The following TRAF3 variants were observed in gnomAD, a reference collection of about 807,000 sequenced individuals.
TRAF3 encodes the protein TNF receptor-associated factor 3.
In TRAF3, 13 loss-of-function variants were observed where a neutral mutation model predicts 62.3. The observed-to-expected ratio is 0.21, with a 90% CI of 0.14 to 0.33. The LOEUF is 0.33. Ranked by LOEUF, TRAF3 falls within the 10% of genes least tolerant of loss-of-function variation. The pLI is 1.00. For synonymous variants in TRAF3, 269 were observed against 283.4 expected (o/e 0.95, Z 0.51); for missense variants, 440 against 741.8 (o/e 0.59, Z 4.73).
At chr14:102,792,110 G>A (rs1295765573) in intron 1 of TRAF3, among the ~76,000 whole-genome samples, 1 of 131,384 alleles carries the variant, frequency 7.6e-6, no homozygotes, top group African/African-American at 2.9e-5. Context: ...CACTGTGCCT[G>A]GACTTTTTTT....
chr14:102,792,138 T>A (rs987903646), intron 1 of TRAF3, among the ~76,000 whole-genome samples: 6 of 145,302 alleles, frequency 4.1e-5, no homozygotes, highest in Admixed American at 6.9e-5. Context: ...TTTTTTTTTT[T>A]TTATCAGACC....
At chr14:102,882,809 G>A (rs1396903851) in intron 6 of TRAF3, among the ~76,000 whole-genome samples, 2 of 152,188 alleles carry the variant, frequency 1.3e-5, no homozygotes, top group Non-Finnish European at 2.9e-5. Context: ...CGTTTAAACT[G>A]TGGTGTAGAC....
At chr14:102,795,594 A>ATGTGTGTGTGTGTG (rs1249954107) in intron 1 of TRAF3, among the ~76,000 whole-genome samples, 11 of 126,594 alleles carry the variant, frequency 8.7e-5, no homozygotes, top group Admixed American at 8.7e-4. Flanking sequence ...CATGATATGT[A>ATGTGTGTGTGTGTG]TATATGTGTG....
At chr14:102,798,732 C>G (rs764382027) in intron 1 of TRAF3, among the ~76,000 whole-genome samples, 1 of 152,204 alleles carries the variant, frequency 6.6e-6, no homozygotes, top group Non-Finnish European at 1.5e-5. Flanking sequence ...GATTCGGCCT[C>G]CCAAATGGCC....
Position 102,902,823 on chromosome 14 carries a change from C to T in TRAF3, c.961-432C>T, listed in dbSNP as rs929420845. On this transcript the variant is annotated intron_variant, in intron 10 of 11. Coordinates refer to ENST00000392745, the MANE Select transcript of TRAF3 (RefSeq NM_145725.3). ...AGGGTGTGGGTGTGTGAGAAACAGG[C>T]GGGCAGGCGGCACCAGTGCCACTGT... 4.9e-4 allele frequency among the ~76,000 whole-genome samples: 75 copies of T among 152,118 alleles called. 1 individual carries two copies. The highest frequency in any genetic ancestry group is 1.6e-3 in the African/African-American group (67 of 41,422).
intron 2 of TRAF3, among the ~76,000 whole-genome samples, chr14:102,846,120 C>T (rs113551044): frequency 1.5e-4 from 22 of 151,340 alleles, no homozygotes; most frequent in African/African-American, 5.1e-4. Flanking sequence ...GTGCACATTA[C>T]AGCTGCTTTG....
rs1897271458 is a variant in TRAF3, at chr14:102,781,513, C to T, written c.-157+3838C>T. On this transcript the variant is annotated intron_variant, in intron 1 of 11. Coordinates refer to ENST00000392745, the MANE Select transcript of TRAF3 (RefSeq NM_145725.3). ...AAGGGGTGTAAATGTTAAACAGCCCCTTCCTAGCCTGGCATGCGCACCTGT... is the reference window on the plus strand; with the variant it reads ...AAGGGGTGTAAATGTTAAACAGCCCTTTCCTAGCCTGGCATGCGCACCTGT... Among the ~76,000 whole-genome samples the T allele has an allele frequency of 2.0e-5, 3 of 152,158 alleles. No individual in the cohort carries two copies. The South Asian group carries it at 6.2e-4, about 32-fold the overall frequency.
intron 9 of TRAF3, chr14:102,895,297 A>G (rs1889945288): frequency 3.4e-6 from 1 of 298,378 alleles, no homozygotes; most frequent in Non-Finnish European, 6.6e-6. Context: ...TATTTTGCCC[A>G]TGAGACATTG....
At chr14:102,894,054 C>T (rs1218245096) in intron 9 of TRAF3, among the ~76,000 whole-genome samples, 10 of 152,080 alleles carry the variant, frequency 6.6e-5, no homozygotes, top group South Asian at 2.1e-4. Flanking sequence ...CAGCTGGGCG[C>T]GGTGGCTCAT....
intron 10 of TRAF3, among the ~76,000 whole-genome samples, chr14:102,900,205 A>AAAAAC (rs1443635739): frequency 1.9e-4 from 26 of 135,490 alleles, no homozygotes; most frequent in African/African-American, 3.1e-4. Flanking sequence ...AAAAAAAAAG[A>AAAAAC]CAGCCTAGGC....
intron 3 of TRAF3, among the ~76,000 whole-genome samples, chr14:102,871,148 C>T (rs555802934): frequency 6.6e-6 from 1 of 152,222 alleles, no homozygotes; most frequent in Admixed American, 6.5e-5. Context: ...GTTGCCAGCT[C>T]CTCCTCCCAC....
chr14:102,910,883 A>G lies in TRAF3; in HGVS notation c.*5099A>G, dbSNP rs1272023044. On this transcript the variant is annotated 3_prime_UTR_variant, in exon 12 of 12. Coordinates refer to ENST00000392745, the MANE Select transcript of TRAF3 (RefSeq NM_145725.3). ...CCCTCAGACAAGTAAGATACCCTCC[A>G]ACAGCAAATTCAATGACTTAATTGG... 2.0e-5 allele frequency: 3 copies of G among 152,240 alleles called. No individual in the cohort carries two copies. Among genetic ancestry groups the G allele is most frequent in the African/African-American group, 7.2e-5 (3 of 41,458 alleles). 9.4% of individuals were successfully genotyped at this position (152,240 alleles called of 1,614,324 possible).
At chr14:102,804,504 T>C (rs1433137533) in intron 1 of TRAF3, among the ~76,000 whole-genome samples, 1 of 152,160 alleles carries the variant, frequency 6.6e-6, no homozygotes, top group East Asian at 1.9e-4. Context: ...TTTTTATTTT[T>C]TGAGTCAGGG....
chr14:102,855,090 G>A (rs1168705200), intron 2 of TRAF3, among the ~76,000 whole-genome samples: 2 of 152,198 alleles, frequency 1.3e-5, no homozygotes, highest in Non-Finnish European at 2.9e-5. Context: ...AAATCGTAGT[G>A]TGTGCCCTTT....
chr14:102,795,575 A>G (rs966065174), intron 1 of TRAF3, among the ~76,000 whole-genome samples: 1 of 68,924 alleles, frequency 1.5e-5, no homozygotes, highest in Non-Finnish European at 4.3e-5. Flanking sequence ...TATATACATG[A>G]TATGTATGCA....
intron 1 of TRAF3, among the ~76,000 whole-genome samples, chr14:102,793,831 C>T (rs1420056764): frequency 6.6e-6 from 1 of 152,248 alleles, no homozygotes; most frequent in Non-Finnish European, 1.5e-5. Flanking sequence ...CCACCCTAAA[C>T]ATCAGTGATT....
chr14:102,903,771 G>C lies in TRAF3; in HGVS notation c.1135+342G>C. On this transcript the variant is annotated intron_variant, in intron 11 of 11. Transcript: ENST00000392745. The surrounding 1 kb of genome is among the most constrained non-coding windows in gnomAD (Gnocchi z 6.4). ...GCGCAGATGGCAGAGGCCAGGACCT[G>C]CTGGTCGGGGCGCCCCAGACCCCAC... 1 of 497,122 alleles carries C rather than the reference G, an allele frequency of 2.0e-6. No individual in the cohort carries two copies. Among genetic ancestry groups the C allele is most frequent in the Non-Finnish European group, 3.9e-6 (1 of 253,838 alleles). The allele number at this position is 497,122 out of a possible 1,614,324, so 30.8% of individuals were successfully genotyped here.
At chr14:102,838,601 C>T (rs566625915) in intron 2 of TRAF3, among the ~76,000 whole-genome samples, 2 of 152,274 alleles carry the variant, frequency 1.3e-5, no homozygotes, top group South Asian at 2.1e-4. Flanking sequence ...TGTCAAGATA[C>T]TTGAATGGAG....
At chr14:102,890,131 T>G (rs1374755785) in intron 8 of TRAF3, among the ~76,000 whole-genome samples, 3 of 152,240 alleles carry the variant, frequency 2.0e-5, no homozygotes, top group Admixed American at 6.5e-5. Flanking sequence ...GCACAGCTCA[T>G]AGAGAGCACA....
Sources: allele counts gnomAD v4.1 joint callset (sites outside exome capture counted in the v4.1 genomes callset), GRCh38; gene constraint gnomAD v4.1.1; non-coding constraint Gnocchi (gnomAD v3.1); transcripts MANE v1.5; gene names NCBI Gene and HGNC (gene_info 2026-07-23, HGNC 2026-07-21).